Variants in DNAAF9 observed in about 807,000 individuals in gnomAD.
DNAAF9 encodes the protein shulin.
DNAAF9 carries 90 observed loss-of-function variants against 167.0 expected under a neutral mutation model. The observed-to-expected ratio is 0.54, with a 90% CI of 0.45 to 0.64. The LOEUF (loss-of-function observed/expected upper bound fraction) is 0.64. DNAAF9 is among the 30% of genes least tolerant of loss of function. The pLI, the probability that DNAAF9 is intolerant of heterozygous loss-of-function variation, is 0.00. For synonymous variants in DNAAF9, 491 were observed against 508.8 expected, an observed-to-expected ratio of 0.96 and a Z score of 0.47; for missense variants, 1,315 against 1,442.2, an observed-to-expected ratio of 0.91 and a Z score of 1.43.
chr20:3,264,568 A>T (rs1378118288), intron 30 of DNAAF9, 44 bp from the exon 31 acceptor site: 1 of 972,188 alleles, frequency 1.0e-6, no homozygotes, highest in Non-Finnish European at 1.7e-6. Flanking sequence ...TAGGACTGTC[A>T]ATCTCTTTTT....
At chr20:3,326,982 C>T (rs1338079527) in intron 12 of DNAAF9, among the ~76,000 whole-genome samples, 1 of 152,076 alleles carries the variant, frequency 6.6e-6, no homozygotes, top group Non-Finnish European at 1.5e-5. Context: ...TTCCCAGGGA[C>T]CAATCATACT....
At position 3,373,834 on chromosome 20, in the gene DNAAF9, G is replaced by A. The variant is rs117517030; in HGVS notation, c.612+214C>T. ...GAATGGGGTAAGGGAGAGGAAGGAC[G>A]GAGAAGAACTCCAAGAAGAAAGGAC... On this transcript the variant is annotated intron_variant, in intron 6 of 36. Transcript: ENST00000252032. Among the ~76,000 whole-genome samples the A allele has an allele frequency of 2.6e-3, 397 of 152,204 alleles. 4 individuals carry two copies. Among genetic ancestry groups the A allele is most frequent in the East Asian group, 0.017 (88 of 5,170 alleles).
chr20:3,385,709 G>C (rs184222710), intron 1 of DNAAF9, among the ~76,000 whole-genome samples: 2 of 152,230 alleles, frequency 1.3e-5, no homozygotes, highest in Non-Finnish European at 2.9e-5. Context: ...TGGGACAATT[G>C]TAACTTTATA....
chr20:3,265,892 C>G (rs1483399715), intron 30 of DNAAF9, among the ~76,000 whole-genome samples: 1 of 152,022 alleles, frequency 6.6e-6, no homozygotes, highest in Non-Finnish European at 1.5e-5. Flanking sequence ...GTTGGCCAGG[C>G]TGATCTTGAA....
intron 8 of DNAAF9, among the ~76,000 whole-genome samples, chr20:3,346,654 T>G (rs1318810113): frequency 3.3e-5 from 5 of 152,020 alleles, no homozygotes; most frequent in African/African-American, 1.2e-4. Flanking sequence ...TTTGTGCAAA[T>G]GAAATAGAAA....
chr20:3,385,293 A>T (rs2083717840), intron 1 of DNAAF9, among the ~76,000 whole-genome samples: 1 of 152,202 alleles, frequency 6.6e-6, no homozygotes, highest in Non-Finnish European at 1.5e-5. Flanking sequence ...CTATTTGCAG[A>T]TATGTCCTAT....
chr20:3,316,133 C>A, intron 18 of DNAAF9: 1 of 315,538 alleles, frequency 3.2e-6, no homozygotes. Context: ...GATTTAAACA[C>A]GTTTAGGTTA....
At chr20:3,353,410 G>C (rs1481940511) in intron 7 of DNAAF9, among the ~76,000 whole-genome samples, 4 of 152,080 alleles carry the variant, frequency 2.6e-5, no homozygotes, top group Admixed American at 6.6e-5. Context: ...CAGATCACCT[G>C]AGCCCAGGAG....
chr20:3,291,385 C>A lies in DNAAF9; in HGVS notation c.2239-1168G>T, dbSNP rs1475149694. On this transcript the variant is annotated intron_variant, in intron 25 of 36. Coordinates refer to ENST00000252032, the MANE Select transcript of DNAAF9 (RefSeq NM_001009984.3). ...TTTGAGACGGAGTCTCGCTCCGTCGCCAGGCTGGAGTGCAGTGGTGCAATC... is the reference window on the plus strand; with the variant it reads ...TTTGAGACGGAGTCTCGCTCCGTCGACAGGCTGGAGTGCAGTGGTGCAATC... Among the ~76,000 whole-genome samples, 4 of 150,034 alleles carry A rather than the reference C, an allele frequency of 2.7e-5. No homozygotes were observed. The East Asian group carries it at 7.8e-4, about 29-fold the overall frequency.
At chr20:3,393,164 CCTTTTATTT>C (rs2083849247) in intron 1 of DNAAF9, among the ~76,000 whole-genome samples, 1 of 151,634 alleles carries the variant, frequency 6.6e-6, no homozygotes, top group Non-Finnish European at 1.5e-5. Context: ...ATGTTGAATA[CCTTTTATTT>C]ATTTATTTAT....
intron 4 of DNAAF9, among the ~76,000 whole-genome samples, chr20:3,375,336 A>G (rs2083561464): frequency 6.6e-6 from 1 of 152,194 alleles, no homozygotes; most frequent in Admixed American, 6.5e-5. Flanking sequence ...AAATCAACTG[A>G]AATGGATCAG....
intron 7 of DNAAF9, among the ~76,000 whole-genome samples, chr20:3,353,262 C>T (rs1363836581): frequency 2.6e-5 from 4 of 152,020 alleles, no homozygotes; most frequent in African/African-American, 9.7e-5. Context: ...CCCAAAGCCA[C>T]CCATCTCAGA....
At chr20:3,296,749 T>C (rs748648087) in intron 23 of DNAAF9, 112 bp downstream of exon 23, 18 of 718,940 alleles carry the variant, frequency 2.5e-5, no homozygotes, top group South Asian at 8.7e-5. Flanking sequence ...ATGTCTGTGT[T>C]GACCCTTTCA....
At chr20:3,393,565 T>A (rs2083858573) in intron 1 of DNAAF9, among the ~76,000 whole-genome samples, 1 of 152,190 alleles carries the variant, frequency 6.6e-6, no homozygotes, top group Non-Finnish European at 1.5e-5. Context: ...TTGTACTGTA[T>A]TATTTTGTTT....
intron 6 of DNAAF9, among the ~76,000 whole-genome samples, chr20:3,373,804 G>A (rs1217767857): frequency 1.3e-5 from 2 of 152,168 alleles, no homozygotes; most frequent in Non-Finnish European, 2.9e-5. Flanking sequence ...AGAACAGTCA[G>A]CTGAGAATGG....
intron 34 of DNAAF9, 75 bp downstream of exon 34, chr20:3,255,931 G>A: frequency 8.9e-7 from 1 of 1,124,078 alleles, no homozygotes. Context: ...CAGTGGCGGG[G>A]CTTCTCAGGG....
At chr20:3,295,944 T>C in intron 23 of DNAAF9, 1 of 1,580,088 alleles carries the variant, frequency 6.3e-7, no homozygotes, top group Non-Finnish European at 8.7e-7. Context: ...CCTGTCTCTG[T>C]GATGTTGGGG....
At chr20:3,260,196 G>C (rs932890163) in intron 31 of DNAAF9, among the ~76,000 whole-genome samples, 168 bp from the exon 32 acceptor site, 4 of 151,826 alleles carry the variant, frequency 2.6e-5, no homozygotes, top group African/African-American at 9.7e-5. Flanking sequence ...AAAATTAGCC[G>C]GGCGCGGTGG....
intron 7 of DNAAF9, among the ~76,000 whole-genome samples, chr20:3,354,092 TG>T (rs757885875): frequency 2.0e-5 from 3 of 152,328 alleles, no homozygotes; most frequent in Admixed American, 6.5e-5. Context: ...TACTTCTCTA[TG>T]CCCACTTTAC....
Sources: allele counts gnomAD v4.1 joint callset (sites outside exome capture counted in the v4.1 genomes callset), GRCh38; gene constraint gnomAD v4.1.1; transcripts MANE v1.5; gene names NCBI Gene and HGNC (gene_info 2026-07-23, HGNC 2026-07-21).